The following P2RX5 variants were observed in gnomAD, a reference collection of about 807,000 sequenced individuals.
P2RX5 encodes the protein purinergic receptor P2X 5.
Under a neutral mutation model 54.1 loss-of-function variants are expected in P2RX5, and 46 were observed. The ratio of observed to expected loss-of-function variants is 0.85; its 90% CI spans 0.67 to 1.09. The LOEUF (loss-of-function observed/expected upper bound fraction) is 1.09, where lower values mean the gene tolerates loss of function less well. P2RX5 is among the 50% of genes least tolerant of loss of function. The pLI is 0.00. For synonymous variants in P2RX5, 226 were observed against 226.4 expected (o/e 1.00, Z 0.02); for missense variants, 566 against 549.8 (o/e 1.03, Z -0.29).
At chr17:3,682,458 T>C (rs2567867) in intron 9 of P2RX5, 215,126 of 215,184 alleles carry the variant, frequency 1, 107,534 homozygotes, top group Middle Eastern at 1. Flanking sequence ...GACAAAGAGG[T>C]GGAAGGACAT....
intron 11 of P2RX5, chr17:3,675,778 C>A: frequency 1.2e-5 from 10 of 844,010 alleles, no homozygotes; most frequent in Non-Finnish European, 1.4e-5. Flanking sequence ...GTCTCGAACT[C>A]CTGACCTCGT....
chr17:3,683,864 C>A (rs896350151), intron 9 of P2RX5, among the ~76,000 whole-genome samples: 3 of 152,210 alleles, frequency 2.0e-5, no homozygotes, highest in Non-Finnish European at 4.4e-5. Context: ...TTTTCTTGAC[C>A]CCCTCCCAGG....
chr17:3,714,755 C>G, the P2RX5 span: 1 of 722,756 alleles, frequency 1.4e-6, no homozygotes, highest in South Asian at 1.6e-5. Flanking sequence ...CCATGCTGCT[C>G]TAGATCATCC....
intron 7 of P2RX5, among the ~76,000 whole-genome samples, 182 bp from the exon 8 acceptor site, chr17:3,688,941 C>T (rs775791419): frequency 9.2e-5 from 14 of 152,242 alleles, no homozygotes; most frequent in Non-Finnish European, 2.1e-4. Flanking sequence ...CTGCGTCGTC[C>T]CTGCCTCAGG....
intron 11 of P2RX5, among the ~76,000 whole-genome samples, chr17:3,674,859 C>T (rs954911318): frequency 6.6e-6 from 1 of 152,186 alleles, no homozygotes; most frequent in Non-Finnish European, 1.5e-5. Context: ...CCCATTCCGT[C>T]TGTGATGACG....
rs1864143067 is a variant in P2RX5, at chr17:3,673,534, G to A, written c.*334C>T. On this transcript the variant is annotated 3_prime_UTR_variant, in exon 12 of 12. Coordinates refer to ENST00000225328, the MANE Select transcript of P2RX5 (RefSeq NM_002561.4). ...ATCTAGGAACTCTACAGGGCACTGC[G>A]GTCCTTAGCTGAGGTGCTCAAGGAC... is the stretch of plus-strand genomic sequence containing the variant. The A allele has an allele frequency of 3.1e-6, 4 of 1,295,342 alleles. No individual in the cohort carries two copies. The African/African-American group carries it at 4.5e-5, about 15-fold the overall frequency. 80.2% of individuals were successfully genotyped at this position (1,295,342 alleles called of 1,614,324 possible). A position where few individuals can be genotyped will look rare whatever the true frequency, so the allele number is the denominator to read the frequency against.
At chr17:3,687,973 C>A (rs780805475) in intron 9 of P2RX5, 39 bp downstream of exon 9, 1 of 514,218 alleles carries the variant, frequency 1.9e-6, no homozygotes, top group Non-Finnish European at 3.7e-6. Flanking sequence ...CCAGCCCCCG[C>A]CCCCCGCCCA....
the P2RX5 span, chr17:3,723,163 G>C: frequency 7.0e-6 from 5 of 709,464 alleles, no homozygotes; most frequent in Non-Finnish European, 1.2e-5. Context: ...CAGAGGGTTG[G>C]TTTTTTGCAC....
chr17:3,705,136 C>G, the P2RX5 span, among the ~76,000 whole-genome samples: 9 of 152,314 alleles, frequency 5.9e-5, no homozygotes, highest in Admixed American at 5.9e-4. Context: ...TGGCTTCCCC[C>G]ACAGCATGTG....
the P2RX5 span, among the ~76,000 whole-genome samples, chr17:3,703,866 C>T: frequency 1.3e-5 from 2 of 152,092 alleles, no homozygotes; most frequent in East Asian, 1.9e-4. Context: ...TTTGGGAGGC[C>T]GAGGTGGGTG....
chr17:3,717,643 G>C, the P2RX5 span: 1 of 152,172 alleles, frequency 6.6e-6, no homozygotes, highest in Non-Finnish European at 1.5e-5. Flanking sequence ...TAAGCACCAA[G>C]GTCAGGGGTG....
chr17:3,674,920 G>A (rs145282363), intron 11 of P2RX5, among the ~76,000 whole-genome samples: 155 of 152,328 alleles, frequency 1.0e-3, no homozygotes, highest in African/African-American at 3.6e-3. Flanking sequence ...GGAAACCCTC[G>A]GGGGCAGGGA....
chr17:3,680,707 GCA>G, intron 10 of P2RX5, among the ~76,000 whole-genome samples: 1 of 106,774 alleles, frequency 9.4e-6, no homozygotes, highest in Non-Finnish European at 1.9e-5. Context: ...CCTCCACCCT[GCA>G]TCCTCCACCC....
At chr17:3,701,581 A>G in the P2RX5 span, among the ~76,000 whole-genome samples, 1 of 151,608 alleles carries the variant, frequency 6.6e-6, no homozygotes, top group Non-Finnish European at 1.5e-5. Context: ...AATCCCAGCT[A>G]CTTGGGAGGC....
intron 1 of P2RX5, among the ~76,000 whole-genome samples, chr17:3,694,296 TC>T (rs5818910): frequency 0.3 from 45,528 of 149,694 alleles, 8,042 homozygotes; most frequent in East Asian, 0.53. Flanking sequence ...AATAGGCAAA[TC>T]CATAGAGACA....
intron 1 of P2RX5, among the ~76,000 whole-genome samples, chr17:3,692,959 A>G (rs2050658722): frequency 6.6e-6 from 1 of 152,150 alleles, no homozygotes; most frequent in African/African-American, 2.4e-5. Flanking sequence ...ATCAAAAGAC[A>G]CTCTCAAGAA....
the P2RX5 span, chr17:3,723,581 C>A: frequency 5.0e-5 from 62 of 1,242,298 alleles, 2 homozygotes; most frequent in South Asian, 8.0e-4. Context: ...CTGGCAGCCC[C>A]CGGCACTGGC....
intron 1 of P2RX5, among the ~76,000 whole-genome samples, chr17:3,695,168 C>T (rs1039581016): frequency 6.6e-6 from 1 of 152,336 alleles, no homozygotes; most frequent in African/African-American, 2.4e-5. Flanking sequence ...ACCTGCTCAC[C>T]CCCGACCCAC....
the P2RX5 span, among the ~76,000 whole-genome samples, chr17:3,716,060 G>A: frequency 6.6e-6 from 1 of 152,010 alleles, no homozygotes; most frequent in Non-Finnish European, 1.5e-5. Context: ...AGGAGGCTGA[G>A]GCAGGAGAAT....
Sources: gnomAD v4.1 joint callset for allele counts (sites outside exome capture counted in the v4.1 genomes callset) on GRCh38, gnomAD v4.1.1 for gene constraint, MANE v1.5 for transcripts, NCBI Gene and HGNC (gene_info 2026-07-23, HGNC 2026-07-21) for gene names.